Variants in RYR3 observed in about 807,000 individuals in gnomAD.
RYR3 encodes the protein ryanodine receptor 3.
In RYR3, 207 loss-of-function variants were observed where a neutral mutation model predicts 584.3. The ratio of observed to expected loss-of-function variants is 0.35; its 90% CI spans 0.32 to 0.40. The LOEUF is 0.40. Ranked by LOEUF, RYR3 falls within the 10% of genes least tolerant of loss-of-function variation. The probability of loss-of-function intolerance (pLI) is 1.00; values close to 1 mark genes in which losing one functional copy is unlikely to be tolerated. For synonymous variants in RYR3, 2,416 were observed against 2,248.5 expected (o/e 1.07, Z -2.11); for missense variants, 5,616 against 6,089.2 (o/e 0.92, Z 2.59).
intron 44 of RYR3, among the ~76,000 whole-genome samples, chr15:33,723,444 T>A (rs2068098744): frequency 6.6e-6 from 1 of 152,234 alleles, no homozygotes; most frequent in Non-Finnish European, 1.5e-5. Flanking sequence ...ATATAGTTGG[T>A]AGATTGTCTG....
At chr15:33,458,657 C>T (rs964879422) in intron 1 of RYR3, among the ~76,000 whole-genome samples, 2 of 152,172 alleles carry the variant, frequency 1.3e-5, no homozygotes, top group African/African-American at 2.4e-5. Flanking sequence ...TGTTTAGTTT[C>T]TCTTGATGAT....
At chr15:33,346,511 T>G (rs1467203606) in intron 1 of RYR3, among the ~76,000 whole-genome samples, 2 of 152,264 alleles carry the variant, frequency 1.3e-5, no homozygotes, top group East Asian at 1.9e-4. Flanking sequence ...CAGTGGTTTA[T>G]GTATGGCTTC....
At chr15:33,864,060 GC>G in intron 102 of RYR3, 77 bp from the exon 103 acceptor site, 1 of 1,086,010 alleles carries the variant, frequency 9.2e-7, no homozygotes. Flanking sequence ...GCCTTTCTGA[GC>G]CCTGATCACA....
intron 3 of RYR3, among the ~76,000 whole-genome samples, chr15:33,518,467 T>A (rs2053706483): frequency 6.6e-6 from 1 of 150,888 alleles, no homozygotes; most frequent in South Asian, 2.2e-4. Context: ...CCGCTCCCCC[T>A]CCTCTCGCAG....
intron 16 of RYR3, 145 bp downstream of exon 16, chr15:33,586,261 G>T (rs978566055): frequency 9.4e-6 from 6 of 637,964 alleles, no homozygotes; most frequent in South Asian, 5.7e-5. Flanking sequence ...GACTTTCCCC[G>T]CATACAAGCA....
chr15:33,371,757 T>C (rs2040349807), intron 1 of RYR3, among the ~76,000 whole-genome samples: 1 of 152,166 alleles, frequency 6.6e-6, no homozygotes, highest in African/African-American at 2.4e-5. Flanking sequence ...AGGCTGGAGA[T>C]TCAGCAACTC....
At chr15:33,511,621 A>C (rs1035224366) in intron 3 of RYR3, among the ~76,000 whole-genome samples, 5 of 149,536 alleles carry the variant, frequency 3.3e-5, no homozygotes, top group Admixed American at 2.7e-4. Flanking sequence ...AAAAAAAACC[A>C]CTAGTGCACC....
intron 38 of RYR3, among the ~76,000 whole-genome samples, chr15:33,678,863 G>C (rs2064374331): frequency 6.6e-6 from 1 of 152,116 alleles, no homozygotes; most frequent in South Asian, 2.1e-4. Context: ...TTTTTCCTTT[G>C]ACTGCAGAGA....
intron 38 of RYR3, among the ~76,000 whole-genome samples, chr15:33,671,752 C>T (rs1457604340): frequency 6.6e-6 from 1 of 151,548 alleles, no homozygotes; most frequent in Admixed American, 6.6e-5. Flanking sequence ...TCTCCTATAT[C>T]ACCTGCTGAG....
chr15:33,557,786 C>G (rs1024518924), intron 10 of RYR3, among the ~76,000 whole-genome samples: 1 of 152,138 alleles, frequency 6.6e-6, no homozygotes, highest in Non-Finnish European at 1.5e-5. Context: ...TTAAACCAGT[C>G]GTAGCAATTT....
chr15:33,465,808 GA>G (rs1336560274), intron 1 of RYR3: 1 of 518,742 alleles, frequency 1.9e-6, no homozygotes. Context: ...AGAATGAGAA[GA>G]ATTTGCTGAT....
rs185738465 is a variant in RYR3 at position 33,691,603 on chromosome 15, A to T, written c.5861-4615A>T. On this transcript the variant is annotated intron_variant, in intron 38 of 103. Coordinates refer to ENST00000634891, the MANE Select transcript of RYR3 (RefSeq NM_001036.6). ...AATGGCATTCATGAAATAAGCAGCTAGTTCAGCTCACAACTCCATCACACA... is the reference window on the plus strand; with the variant it reads ...AATGGCATTCATGAAATAAGCAGCTTGTTCAGCTCACAACTCCATCACACA... Among the ~76,000 whole-genome samples the T allele has an allele frequency of 4.7e-3, 712 of 152,284 alleles. 3 individuals carry two copies. Among genetic ancestry groups the T allele is most frequent in the African/African-American group, 0.016 (676 of 41,562 alleles).
intron 69 of RYR3, among the ~76,000 whole-genome samples, chr15:33,804,699 A>G (rs752697034): frequency 2.0e-5 from 3 of 152,238 alleles, no homozygotes; most frequent in Non-Finnish European, 4.4e-5. Context: ...CTGAGGGGTT[A>G]GGGCAGGAGT....
chr15:33,409,896 G>C (rs764672916), intron 1 of RYR3, among the ~76,000 whole-genome samples: 1 of 152,162 alleles, frequency 6.6e-6, no homozygotes, highest in Non-Finnish European at 1.5e-5. Flanking sequence ...TTTAGGCCTG[G>C]ATTAAAGAAG....
rs942257120 is a variant in RYR3, at chr15:33,634,599, A to G, written c.3041A>G (p.Lys1014Arg). 5 of 1,613,856 alleles carry G rather than the reference A, an allele frequency of 3.1e-6. No homozygotes were observed. In the African/African-American group the frequency reaches 5.3e-5, roughly 17 times the overall value. ...TYGIQQDLKN[K>R]RNPRLVPYAL... ...GGCGTCACATAGGATTTGAAGAACA[A>G]AAGAAATCCCCGTCTGGTGCCATAT... The change falls in exon 25 of 104, where the codon AAA becomes AGA. Residue 1014 changes from lysine to arginine, a missense_variant. Coordinates refer to ENST00000634891, the MANE Select transcript of RYR3 (RefSeq NM_001036.6).
At chr15:33,858,772 AGTTTATTTTGACCAGAT>A (rs1230125143) in intron 99 of RYR3, 4 of 152,282 alleles carry the variant, frequency 2.6e-5, no homozygotes, top group African/African-American at 9.6e-5. Flanking sequence ...CAACATCGCC[AGTTTATTTTGACCAGAT>A]TTCAGAAAAA....
intron 86 of RYR3, among the ~76,000 whole-genome samples, chr15:33,834,032 A>G (rs548393789): frequency 6.6e-6 from 1 of 152,334 alleles, no homozygotes; most frequent in Non-Finnish European, 1.5e-5. Flanking sequence ...CTGTACTCCC[A>G]GCACTTTGAG....
At chr15:33,399,772 G>A (rs1041022677) in intron 1 of RYR3, among the ~76,000 whole-genome samples, 2 of 151,978 alleles carry the variant, frequency 1.3e-5, no homozygotes, top group South Asian at 4.2e-4. Context: ...AAGAAAGATA[G>A]ATCTATATCT....
intron 39 of RYR3, 76 bp downstream of exon 39, chr15:33,696,567 T>C: frequency 7.2e-7 from 1 of 1,397,944 alleles, no homozygotes; most frequent in South Asian, 1.3e-5. Flanking sequence ...GATATAGAGA[T>C]ATAGTGGAAT....
Sources: allele counts gnomAD v4.1 joint callset (sites outside exome capture counted in the v4.1 genomes callset), GRCh38; gene constraint gnomAD v4.1.1; transcripts MANE v1.5; gene names NCBI Gene and HGNC (gene_info 2026-07-23, HGNC 2026-07-21).